The following LARGE1 variants were observed in gnomAD, a reference collection of about 807,000 sequenced individuals.
The protein encoded by LARGE1 is LARGE xylosyl- and glucuronyltransferase 1, also known as xylosyl- and glucuronyltransferase LARGE1.
LARGE1 carries 43 observed loss-of-function variants against 87.6 expected under a neutral mutation model. That is an observed-to-expected ratio of 0.49 (90% CI 0.38 to 0.63). The LOEUF (loss-of-function observed/expected upper bound fraction) is 0.63, where lower values mean the gene tolerates loss of function less well. Ranked by LOEUF, LARGE1 falls within the 30% of genes least tolerant of loss-of-function variation. The pLI is 0.00. For missense variants in LARGE1, 802 were observed against 1,000.2 expected, an observed-to-expected ratio of 0.80 and a Z score of 2.67; for synonymous variants, 434 against 394.6, an observed-to-expected ratio of 1.10 and a Z score of -1.18.
intron 2 of LARGE1, among the ~76,000 whole-genome samples, chr22:33,709,456 T>C (rs1166789352): frequency 6.6e-6 from 1 of 152,026 alleles, no homozygotes; most frequent in Non-Finnish European, 1.5e-5. Context: ...CTATCTAGCT[T>C]TACCCCTACT....
intron 1 of LARGE1, among the ~76,000 whole-genome samples, chr22:33,781,080 C>T (rs1422332397): frequency 1.3e-5 from 2 of 152,182 alleles, no homozygotes; most frequent in African/African-American, 2.4e-5. Flanking sequence ...GAATCAATAG[C>T]CTGGTGGTTT....
chr22:33,465,568 T>G (rs1374454862), intron 6 of LARGE1, among the ~76,000 whole-genome samples: 2 of 152,220 alleles, frequency 1.3e-5, no homozygotes, highest in African/African-American at 4.8e-5. Context: ...ACAATAGGCT[T>G]TGCAGGGCGT....
intron 2 of LARGE1, among the ~76,000 whole-genome samples, chr22:33,752,350 C>T (rs898040767): frequency 2.0e-5 from 3 of 152,052 alleles, no homozygotes; most frequent in Non-Finnish European, 4.4e-5. Context: ...CAAAAGGACC[C>T]TCTGAATAAA....
chr22:33,443,995 G>T (rs1268733543), intron 6 of LARGE1, among the ~76,000 whole-genome samples: 1 of 152,220 alleles, frequency 6.6e-6, no homozygotes, highest in East Asian at 1.9e-4. Context: ...GAATTTGTTG[G>T]CATCTTTTAG....
chr22:33,878,905 T>C (rs2064570260), intron 1 of LARGE1, among the ~76,000 whole-genome samples: 1 of 152,152 alleles, frequency 6.6e-6, no homozygotes, highest in Admixed American at 6.5e-5. Flanking sequence ...ATCATCAGGA[T>C]GCATGATATT....
chr22:33,522,584 G>T (rs2071663487), intron 6 of LARGE1, among the ~76,000 whole-genome samples: 1 of 152,118 alleles, frequency 6.6e-6, no homozygotes, highest in South Asian at 2.1e-4. Flanking sequence ...TATAATCCCA[G>T]CACTTTGGGA....
At chr22:33,670,944 G>A (rs2081389965) in intron 2 of LARGE1, among the ~76,000 whole-genome samples, 1 of 152,110 alleles carries the variant, frequency 6.6e-6, no homozygotes, top group African/African-American at 2.4e-5. Flanking sequence ...CGGGTGCTGT[G>A]AAAAAATTAC....
chr22:33,187,921 CAAAAAAAAAAAAAAAAAAAAAAAAA>C (rs578115819), intron 11 of LARGE1, among the ~76,000 whole-genome samples: 6 of 36,888 alleles, frequency 1.6e-4, no homozygotes, highest in Non-Finnish European at 3.4e-4. Context: ...GACTCCGTCT[CAAAAAAAAAAAAAAAAAAAAAAAAA>C]AAAAAAAAAA....
chr22:33,222,409 G>A (rs1925498958), intron 11 of LARGE1, among the ~76,000 whole-genome samples: 1 of 152,182 alleles, frequency 6.6e-6, no homozygotes, highest in Non-Finnish European at 1.5e-5. Context: ...ATTGCAGCAT[G>A]TTGAATGGTG....
At chr22:33,143,645 C>A in the LARGE1 span, among the ~76,000 whole-genome samples, 1 of 151,968 alleles carries the variant, frequency 6.6e-6, no homozygotes, top group African/African-American at 2.4e-5. Flanking sequence ...AGACAATTAC[C>A]CATAATTCTG....
intron 6 of LARGE1, among the ~76,000 whole-genome samples, chr22:33,467,593 G>C (rs900031159): frequency 7.9e-5 from 12 of 152,226 alleles, no homozygotes; most frequent in African/African-American, 2.4e-4. Context: ...CTTTGGAATA[G>C]AGCATCGCCC....
intron 5 of LARGE1, among the ~76,000 whole-genome samples, chr22:33,599,770 A>G (rs568845707): frequency 1.3e-5 from 2 of 152,320 alleles, no homozygotes; most frequent in Admixed American, 6.5e-5. Flanking sequence ...TTGGAGCTGT[A>G]TCAAGGGAGG....
intron 3 of LARGE1, among the ~76,000 whole-genome samples, chr22:33,645,197 T>A (rs1429008460): frequency 6.8e-6 from 1 of 146,122 alleles, no homozygotes; most frequent in African/African-American, 2.4e-5. Context: ...ATGGTACTCC[T>A]ACAAGGCTAC....
At chr22:33,617,077 G>T (rs995926228) in intron 4 of LARGE1, among the ~76,000 whole-genome samples, 1 of 152,186 alleles carries the variant, frequency 6.6e-6, no homozygotes, top group African/African-American at 2.4e-5. Flanking sequence ...CTTCCCTAGG[G>T]GGATGTGCTA....
At chr22:33,849,859 C>T (rs1378346111) in intron 1 of LARGE1, among the ~76,000 whole-genome samples, 1 of 152,134 alleles carries the variant, frequency 6.6e-6, no homozygotes, top group African/African-American at 2.4e-5. Flanking sequence ...CCTCTGCCTC[C>T]CAAAGTACTG....
chr22:33,236,177 C>T (rs1926241497), intron 11 of LARGE1, among the ~76,000 whole-genome samples: 1 of 152,194 alleles, frequency 6.6e-6, no homozygotes, highest in South Asian at 2.1e-4. Context: ...GAACTTCTGA[C>T]CTCCAGAACT....
chr22:33,370,487 A>T (rs1050328884), intron 9 of LARGE1, among the ~76,000 whole-genome samples: 82 of 152,246 alleles, frequency 5.4e-4, no homozygotes, highest in Non-Finnish European at 1.1e-3. Flanking sequence ...CATAGCCTTC[A>T]CTAGATTAGC....
intron 10 of LARGE1, among the ~76,000 whole-genome samples, chr22:33,317,850 G>A (rs1482804397): frequency 6.6e-6 from 1 of 152,162 alleles, no homozygotes. Context: ...GCAAGAGAGG[G>A]CTGGGAGTGA....
chr22:33,089,017 C>T, the LARGE1 span, among the ~76,000 whole-genome samples: 1 of 152,198 alleles, frequency 6.6e-6, no homozygotes, highest in Non-Finnish European at 1.5e-5. Context: ...GAATTTCCCT[C>T]TTTTCGTGAT....
Sources: gnomAD v4.1 joint callset for allele counts (sites outside exome capture counted in the v4.1 genomes callset) on GRCh38, gnomAD v4.1.1 for gene constraint, MANE v1.5 for transcripts, NCBI Gene and HGNC (gene_info 2026-07-23, HGNC 2026-07-21) for gene names.